STK39: variants seen among roughly 807,000 people sequenced by gnomAD.
The protein encoded by STK39 is STE20/SPS1-related proline-alanine-rich protein kinase.
In STK39, 20 loss-of-function variants were observed where a neutral mutation model predicts 77.8. That is an observed-to-expected ratio of 0.26 (90% confidence interval 0.18 to 0.37). STK39 has a LOEUF of 0.37. STK39 is among the 10% of genes least tolerant of loss of function. The probability of loss-of-function intolerance (pLI) is 1.00; values close to 1 mark genes in which losing one functional copy is unlikely to be tolerated. For missense variants in STK39, 479 were observed against 656.5 expected (o/e 0.73, Z 2.95); for synonymous variants, 246 against 234.1 (o/e 1.05, Z -0.47).
At chr2:167,956,034 G>A (rs2105510122) in intron 17 of STK39, among the ~76,000 whole-genome samples, 1 of 152,268 alleles carries the variant, frequency 6.6e-6, no homozygotes, top group South Asian at 2.1e-4. Flanking sequence ...TTTCTTCTAT[G>A]AAACTTGCCA....
chr2:168,185,063 G>C (rs1689174191), intron 1 of STK39, among the ~76,000 whole-genome samples: 1 of 152,178 alleles, frequency 6.6e-6, no homozygotes. Flanking sequence ...ACAAGTGTTA[G>C]CAACATGAAA....
At chr2:168,218,286 A>T (rs1690075002) in intron 1 of STK39, among the ~76,000 whole-genome samples, 1 of 152,242 alleles carries the variant, frequency 6.6e-6, no homozygotes, top group Non-Finnish European at 1.5e-5. Context: ...TACAAATTAG[A>T]CAAGTAACTT....
intron 10 of STK39, among the ~76,000 whole-genome samples, chr2:168,080,446 A>G (rs770381138): frequency 9.2e-5 from 14 of 152,022 alleles, no homozygotes; most frequent in Non-Finnish European, 1.5e-4. Flanking sequence ...TGGCTAACAC[A>G]GTGAAACCCC....
chr2:168,061,120 T>TA (rs1685653032), intron 14 of STK39, among the ~76,000 whole-genome samples: 1 of 151,902 alleles, frequency 6.6e-6, no homozygotes, highest in African/African-American at 2.4e-5. Context: ...GGTAGCCCTT[T>TA]AAAAAAATCA....
chr2:168,142,725 A>G (rs1574498550), intron 5 of STK39, among the ~76,000 whole-genome samples: 2 of 152,258 alleles, frequency 1.3e-5, no homozygotes, highest in Non-Finnish European at 2.9e-5. Context: ...CTCACTTTAA[A>G]GTCATAAACA....
At chr2:168,176,124 C>T (rs891571425) in intron 2 of STK39, among the ~76,000 whole-genome samples, 5 of 152,132 alleles carry the variant, frequency 3.3e-5, no homozygotes, top group East Asian at 1.9e-4. Flanking sequence ...AACATACTTT[C>T]GTTGATGCGA....
chr2:168,185,747 G>A (rs1689192492), intron 1 of STK39, among the ~76,000 whole-genome samples: 1 of 152,148 alleles, frequency 6.6e-6, no homozygotes, highest in South Asian at 2.1e-4. Context: ...CTACTCCCAT[G>A]ACTCACACAA....
At chr2:168,027,629 A>G (rs1016640762) in intron 14 of STK39, among the ~76,000 whole-genome samples, 2 of 152,214 alleles carry the variant, frequency 1.3e-5, no homozygotes, top group African/African-American at 4.8e-5. Flanking sequence ...TGTGTGCATG[A>G]GCACACACAT....
intron 14 of STK39, among the ~76,000 whole-genome samples, chr2:168,036,791 C>T (rs1302589172): frequency 6.6e-6 from 1 of 152,162 alleles, no homozygotes; most frequent in Non-Finnish European, 1.5e-5. Context: ...TAGGCGCATG[C>T]TCCAAGTCTT....
chr2:168,203,894 A>C (rs1256183325), intron 1 of STK39, among the ~76,000 whole-genome samples: 1 of 152,238 alleles, frequency 6.6e-6, no homozygotes, highest in Non-Finnish European at 1.5e-5. Flanking sequence ...GCACCCAGCC[A>C]GAGCTGAGTC....
At chr2:168,140,835 T>A in intron 5 of STK39, 77 bp from the exon 6 acceptor site, 1 of 1,216,862 alleles carries the variant, frequency 8.2e-7, no homozygotes, top group Non-Finnish European at 1.2e-6. Flanking sequence ...TGAGCATGTC[T>A]CTTCTTTGTG....
intron 1 of STK39, among the ~76,000 whole-genome samples, chr2:168,233,085 T>G (rs993205831): frequency 1.2e-4 from 19 of 152,138 alleles, no homozygotes; most frequent in African/African-American, 4.1e-4. Flanking sequence ...TACTAAACAC[T>G]CTAGCCCCGA....
intron 8 of STK39, among the ~76,000 whole-genome samples, chr2:168,136,238 A>G (rs1185882874): frequency 6.6e-6 from 1 of 150,594 alleles, no homozygotes; most frequent in Non-Finnish European, 1.5e-5. Flanking sequence ...GCGTGGTGAC[A>G]CACGCCTGTA....
chr2:168,075,321 C>A, intron 10 of STK39, 90 bp from the exon 11 acceptor site: 1 of 1,546,472 alleles, frequency 6.5e-7, no homozygotes, highest in South Asian at 1.2e-5. Flanking sequence ...GCATACACAC[C>A]AACCTGAAAA....
intron 16 of STK39, among the ~76,000 whole-genome samples, chr2:167,987,495 A>G (rs547296930): frequency 8.5e-4 from 129 of 152,262 alleles, no homozygotes; most frequent in African/African-American, 3.0e-3. Context: ...AAAAATATAT[A>G]TATATAATAC....
At chr2:168,060,489 G>A (rs1015071260) in intron 14 of STK39, among the ~76,000 whole-genome samples, 2 of 152,194 alleles carry the variant, frequency 1.3e-5, no homozygotes, top group Non-Finnish European at 2.9e-5. Context: ...AACCAGCCAT[G>A]CTGACATCCC....
chr2:168,236,580 T>C (rs1690616621), intron 1 of STK39, among the ~76,000 whole-genome samples: 1 of 152,230 alleles, frequency 6.6e-6, no homozygotes, highest in Non-Finnish European at 1.5e-5. Context: ...TTTTTATGGT[T>C]TTAGGTCTAA....
intron 14 of STK39, among the ~76,000 whole-genome samples, chr2:168,056,772 G>A (rs547894849): frequency 6.6e-6 from 1 of 152,284 alleles, no homozygotes; most frequent in Non-Finnish European, 1.5e-5. Context: ...AACAAATGAG[G>A]AAGGTGCAAA....
chr2:168,139,226 A>T (rs1387111778), intron 7 of STK39, among the ~76,000 whole-genome samples: 1 of 152,162 alleles, frequency 6.6e-6, no homozygotes, highest in Non-Finnish European at 1.5e-5. Flanking sequence ...GGCAAAAGAA[A>T]GAAAATGAAG....
Sources: gnomAD v4.1 joint callset for allele counts (sites outside exome capture counted in the v4.1 genomes callset) on GRCh38, gnomAD v4.1.1 for gene constraint, MANE v1.5 for transcripts, NCBI Gene and HGNC (gene_info 2026-07-23, HGNC 2026-07-21) for gene names.